MEOX2: variants seen among roughly 807,000 people sequenced by gnomAD.
MEOX2 encodes mesenchyme homeobox 2.
In MEOX2, 11 loss-of-function variants were observed where a neutral mutation model predicts 27.0. The ratio of observed to expected loss-of-function variants is 0.41; its 90% CI spans 0.26 to 0.68. The LOEUF (loss-of-function observed/expected upper bound fraction) is 0.68. MEOX2 is among the 30% of genes least tolerant of loss of function. The pLI is 0.33. For missense variants in MEOX2, 436 were observed against 385.4 expected, an observed-to-expected ratio of 1.13 and a Z score of -1.10; for synonymous variants, 189 against 155.4, an observed-to-expected ratio of 1.22 and a Z score of -1.61.
At chr7:15,683,832 T>G (rs1782331882) in intron 1 of MEOX2, among the ~76,000 whole-genome samples, 1 of 152,162 alleles carries the variant, frequency 6.6e-6, no homozygotes, top group Non-Finnish European at 1.5e-5. Context: ...CTAATTGTAC[T>G]TTCCACTGAA....
intron 1 of MEOX2, chr7:15,681,657 G>A (rs1431700726): frequency 6.6e-6 from 1 of 151,606 alleles, no homozygotes; most frequent in East Asian, 1.9e-4. Flanking sequence ...AACGGTCTAT[G>A]TTTTGAAACA....
intron 1 of MEOX2, among the ~76,000 whole-genome samples, chr7:15,639,124 C>T (rs887936244): frequency 5.3e-5 from 8 of 151,966 alleles, no homozygotes; most frequent in African/African-American, 1.9e-4. Flanking sequence ...CTTTTCTCCA[C>T]ATCCTCACCA....
chr7:15,683,490 G>A (rs896011978), intron 1 of MEOX2, among the ~76,000 whole-genome samples: 12 of 151,914 alleles, frequency 7.9e-5, no homozygotes, highest in African/African-American at 1.7e-4. Context: ...AGAGATATAC[G>A]TATTAATAGC....
At chr7:15,653,616 TG>T (rs1781774094) in intron 1 of MEOX2, among the ~76,000 whole-genome samples, 2 of 152,058 alleles carry the variant, frequency 1.3e-5, no homozygotes, top group Non-Finnish European at 2.9e-5. Flanking sequence ...GTGAATGTTT[TG>T]CATTTACATC....
intron 1 of MEOX2, among the ~76,000 whole-genome samples, chr7:15,631,726 T>C (rs372964011): frequency 2.0e-5 from 3 of 151,838 alleles, no homozygotes; most frequent in Non-Finnish European, 4.4e-5. Flanking sequence ...TTATAATTTA[T>C]GCTGTACAAA....
At chr7:15,659,693 G>A (rs1781879818) in intron 1 of MEOX2, among the ~76,000 whole-genome samples, 2 of 148,898 alleles carry the variant, frequency 1.3e-5, no homozygotes, top group Middle Eastern at 7.0e-3. Context: ...CCGGGAGGCG[G>A]AGGTTGTAGT....
chr7:15,654,114 C>T (rs1239734791), intron 1 of MEOX2, among the ~76,000 whole-genome samples: 1 of 151,818 alleles, frequency 6.6e-6, no homozygotes, highest in Non-Finnish European at 1.5e-5. Flanking sequence ...CATGCAGATC[C>T]TGTGAATGTT....
At chr7:15,661,776 C>G (rs1197031350) in intron 1 of MEOX2, among the ~76,000 whole-genome samples, 2 of 152,124 alleles carry the variant, frequency 1.3e-5, no homozygotes, top group African/African-American at 4.8e-5. Flanking sequence ...CGTTCAAAAC[C>G]TAAGCCTGTG....
chr7:15,685,317 T>C (rs1371042717), intron 1 of MEOX2, among the ~76,000 whole-genome samples: 1 of 151,924 alleles, frequency 6.6e-6, no homozygotes, highest in East Asian at 1.9e-4. Flanking sequence ...CCATTTGAAA[T>C]AGGGTGCTAT....
intron 1 of MEOX2, among the ~76,000 whole-genome samples, chr7:15,672,762 C>T (rs546653354): frequency 1.3e-4 from 19 of 151,640 alleles, no homozygotes; most frequent in Non-Finnish European, 2.6e-4. Context: ...TATGGTGGCA[C>T]GTGCCTGTAG....
rs148374243 is a variant in MEOX2, at chr7:15,672,346, A to G, written c.517+13540T>C. Among the ~76,000 whole-genome samples the G allele has an allele frequency of 8.0e-3, 1,215 of 152,304 alleles. 9 individuals carry two copies. The highest frequency in any genetic ancestry group is 0.011 in the Non-Finnish European group (742 of 68,018). On this transcript the variant is annotated intron_variant, in intron 1 of 2. Transcript: ENST00000262041. ...GCTCAGAAGCTCAACAATGTATAGC[A>G]TAACTGCACAGAATGTATATAGAAT...
intron 2 of MEOX2, among the ~76,000 whole-genome samples, chr7:15,619,106 G>A (rs1274570690): frequency 6.6e-6 from 1 of 152,020 alleles, no homozygotes; most frequent in East Asian, 1.9e-4. Context: ...TTGTATAGAT[G>A]TCACAGAACA....
At chr7:15,639,712 A>T (rs1449230787) in intron 1 of MEOX2, among the ~76,000 whole-genome samples, 2 of 152,080 alleles carry the variant, frequency 1.3e-5, no homozygotes, top group African/African-American at 4.8e-5. Context: ...ACCATTTATT[A>T]AAAACGGTGT....
At chr7:15,615,431 A>T (rs961911637) in intron 2 of MEOX2, among the ~76,000 whole-genome samples, 3 of 22,700 alleles carry the variant, frequency 1.3e-4, no homozygotes, top group African/African-American at 3.5e-4. Context: ...ATTTGTAATA[A>T]AAAAAAAGCA....
intron 1 of MEOX2, chr7:15,667,961 C>T (rs1156242893): frequency 2.0e-5 from 3 of 152,206 alleles, no homozygotes; most frequent in Non-Finnish European, 2.9e-5. Context: ...CACAGTTAAA[C>T]AACAGATCCA....
In MEOX2 at chr7:15,686,235, T is replaced by C. The variant is rs1337940876; in HGVS notation, c.168A>G (p.Glu56=). The C allele has an allele frequency of 6.2e-7, 1 of 1,612,480 alleles. No homozygotes were observed. The highest frequency in any genetic ancestry group is 2.2e-5 in the East Asian group (1 of 44,788). ...SSCIIAGYPN[E]EGMFASQHHR... ...GATGCTGGCTGGCAAACATGCCCTCTTCGTTGGGGTATCCCGCGATTATGC... is the reference window on the plus strand; with the variant it reads ...GATGCTGGCTGGCAAACATGCCCTCCTCGTTGGGGTATCCCGCGATTATGC... The change falls in exon 1 of 3, where the codon GAA becomes GAG. Residue 56 remains glutamate, a synonymous_variant. Transcript: ENST00000262041.
chr7:15,640,737 G>T (rs1350504397), intron 1 of MEOX2, among the ~76,000 whole-genome samples: 1 of 152,102 alleles, frequency 6.6e-6, no homozygotes, highest in East Asian at 1.9e-4. Context: ...TATCATGAAG[G>T]ATGCTGGATT....
Position 15,626,732 on chromosome 7 carries a change from A to C in MEOX2, c.690+14T>G. 1 of 1,592,908 alleles carries C rather than the reference A, an allele frequency of 6.3e-7. No individual in the cohort carries two copies. Among genetic ancestry groups the C allele is most frequent in the Non-Finnish European group, 8.6e-7 (1 of 1,164,192 alleles). On this transcript the variant is annotated intron_variant, in intron 2 of 2. Transcript: ENST00000262041. ...AATTAAAAAAGATCATATAATGATAATGCCCAGCTTTACCTGTCTTTCAGT... is the reference window on the plus strand; with the variant it reads ...AATTAAAAAAGATCATATAATGATACTGCCCAGCTTTACCTGTCTTTCAGT...
intron 2 of MEOX2, among the ~76,000 whole-genome samples, chr7:15,624,748 A>C (rs1288252631): frequency 6.6e-6 from 1 of 152,150 alleles, no homozygotes; most frequent in African/African-American, 2.4e-5. Context: ...AAAGCAAATA[A>C]AACTTTGGTT....
Sources: allele counts gnomAD v4.1 joint callset (sites outside exome capture counted in the v4.1 genomes callset), GRCh38; gene constraint gnomAD v4.1.1; transcripts MANE v1.5; gene names NCBI Gene and HGNC (gene_info 2026-07-23, HGNC 2026-07-21).